TP53BP1: variants seen among roughly 807,000 people sequenced by gnomAD.
The protein encoded by TP53BP1 is tumor protein p53 binding protein 1, also known as TP53-binding protein 1.
A neutral mutation model predicts 200.8 loss-of-function variants in TP53BP1; 61 were observed. The observed-to-expected ratio is 0.30, with a 90% CI of 0.25 to 0.38. The LOEUF (loss-of-function observed/expected upper bound fraction) is 0.38. TP53BP1 is among the 10% of genes least tolerant of loss of function. TP53BP1 has a pLI of 1.00. For synonymous variants in TP53BP1, 822 were observed against 844.3 expected (o/e 0.97, Z 0.46); for missense variants, 2,144 against 2,371.9 (o/e 0.90, Z 2.00).
At chr15:43,489,154 C>T (rs2079086963) in intron 4 of TP53BP1, among the ~76,000 whole-genome samples, 1 of 152,156 alleles carries the variant, frequency 6.6e-6, no homozygotes, top group Non-Finnish European at 1.5e-5. Context: ...ATTTTTTCTC[C>T]TCTTTGCAAT....
intron 11 of TP53BP1, among the ~76,000 whole-genome samples, chr15:43,466,722 T>C (rs1314339203): frequency 6.6e-6 from 1 of 152,120 alleles, no homozygotes; most frequent in East Asian, 1.9e-4. Context: ...CCAGGTGTGA[T>C]AGTGTGTGCC....
At chr15:43,476,039 T>C (rs1033317274) in intron 8 of TP53BP1, among the ~76,000 whole-genome samples, 1 of 151,708 alleles carries the variant, frequency 6.6e-6, no homozygotes, top group African/African-American at 2.4e-5. Flanking sequence ...CTGAGGCGGG[T>C]GGATCATCTG....
chr15:43,412,524 A>G, intron 24 of TP53BP1: 1 of 367,018 alleles, frequency 2.7e-6, no homozygotes, highest in South Asian at 2.1e-5. Context: ...AACAGACAAC[A>G]CAGAAATAAA....
Position 43,432,482 on chromosome 15 carries a change from C to T in TP53BP1, c.3387G>A (p.Val1129=), listed in dbSNP as rs952443675. 1 of 1,614,170 alleles carries T rather than the reference C, an allele frequency of 6.2e-7. No homozygotes were observed. Residue 1129 remains valine (V), a synonymous_variant, in exon 17 of 28, where the codon GTG becomes GTA. Coordinates refer to ENST00000382044, the MANE Select transcript of TP53BP1 (RefSeq NM_001141980.3). ...TCCGTCCTTCTTTCTGGTCTTCTAG[C>T]ACATCTGTCACCATTGCCTCTCCTT... is the stretch of plus-strand genomic sequence containing the variant. ...SPQGEAMVTD[V]LEDQKEGRST...
intron 16 of TP53BP1, 59 bp from the exon 17 acceptor site, chr15:43,432,736 T>A: frequency 3.3e-6 from 5 of 1,520,210 alleles, no homozygotes; most frequent in Non-Finnish European, 4.4e-6. Flanking sequence ...TGTGAACGTG[T>A]GTGTGTGCGT....
intron 24 of TP53BP1, among the ~76,000 whole-genome samples, chr15:43,410,257 T>C (rs993677350): frequency 2.0e-5 from 3 of 152,214 alleles, no homozygotes; most frequent in Non-Finnish European, 4.4e-5. Context: ...AACTAAAACT[T>C]TAATAAACCA....
intron 17 of TP53BP1, among the ~76,000 whole-genome samples, chr15:43,430,834 AT>A (rs1157250505): frequency 6.6e-6 from 1 of 152,212 alleles, no homozygotes; most frequent in Non-Finnish European, 1.5e-5. Flanking sequence ...TCATGGATAG[AT>A]TTGTTCTTAC....
intron 1 of TP53BP1, among the ~76,000 whole-genome samples, chr15:43,507,389 C>T (rs2079242990): frequency 6.6e-6 from 1 of 152,210 alleles, no homozygotes; most frequent in African/African-American, 2.4e-5. Flanking sequence ...CCCACCTCAG[C>T]CTCCCAAAGT....
chr15:43,472,902 G>A (rs1006698451), intron 10 of TP53BP1, among the ~76,000 whole-genome samples: 1 of 152,178 alleles, frequency 6.6e-6, no homozygotes, highest in Non-Finnish European at 1.5e-5. Context: ...GAATGAAGCC[G>A]CGGACCCTCA....
chr15:43,457,671 CAAAAAAAAAAAAAAAAA>C (rs56866996), intron 11 of TP53BP1, among the ~76,000 whole-genome samples: 11 of 19,110 alleles, frequency 5.8e-4, no homozygotes, highest in South Asian at 3.6e-3. Context: ...GACTCCATCT[CAAAAAAAAAAAAAAAAA>C]AAAAAAAAAA....
At chr15:43,432,127 T>C in intron 17 of TP53BP1, 67 bp downstream of exon 17, 1 of 1,549,270 alleles carries the variant, frequency 6.5e-7, no homozygotes, top group Non-Finnish European at 8.7e-7. Flanking sequence ...ATGCCACAAC[T>C]TAAATTCTCT....
At chr15:43,417,693 T>C (rs1238290934) in intron 21 of TP53BP1, among the ~76,000 whole-genome samples, 1 of 152,172 alleles carries the variant, frequency 6.6e-6, no homozygotes, top group Non-Finnish European at 1.5e-5. Flanking sequence ...ACGAATGCAT[T>C]TGATACATAC....
At chr15:43,488,192 G>A (rs2079072438) in intron 4 of TP53BP1, among the ~76,000 whole-genome samples, 1 of 151,624 alleles carries the variant, frequency 6.6e-6, no homozygotes, top group African/African-American at 2.4e-5. Context: ...TCAGCTACTT[G>A]CGAGGCTGAG....
chr15:43,499,634 C>T (rs2140174202), intron 1 of TP53BP1, among the ~76,000 whole-genome samples: 1 of 152,280 alleles, frequency 6.6e-6, no homozygotes, highest in Non-Finnish European at 1.5e-5. Flanking sequence ...AGCAGTAATG[C>T]ATCTTGGCTC....
intron 11 of TP53BP1, among the ~76,000 whole-genome samples, chr15:43,458,909 C>A (rs971385362): frequency 1.3e-5 from 2 of 152,158 alleles, no homozygotes; most frequent in African/African-American, 2.4e-5. Flanking sequence ...AACAGTATGG[C>A]AGTATCTTAT....
chr15:43,444,366 G>A lies in TP53BP1; in HGVS notation c.3040+2021C>T, dbSNP rs115635060. Among the ~76,000 whole-genome samples, 465 of 152,246 alleles carry A rather than the reference G, an allele frequency of 3.1e-3. 2 individuals are homozygous for A. The highest frequency in any genetic ancestry group is 0.011 in the African/African-American group (438 of 41,538). ...AAGCACACCTCCCACCTCAGCCTCT[G>A]GCATTGCTGGGATTATAGAAGCGCA... is the stretch of plus-strand genomic sequence containing the variant. On this transcript the variant is annotated intron_variant, in intron 14 of 27. Transcript: ENST00000382044.
chr15:43,408,525 T>C, intron 26 of TP53BP1: 1 of 276,916 alleles, frequency 3.6e-6, no homozygotes, highest in Non-Finnish European at 6.9e-6. Flanking sequence ...CTTCCTTCTT[T>C]CTATGAATGA....
At chr15:43,506,704 T>C (rs1403801706) in intron 1 of TP53BP1, among the ~76,000 whole-genome samples, 1 of 152,182 alleles carries the variant, frequency 6.6e-6, no homozygotes, top group Non-Finnish European at 1.5e-5. Context: ...GGTCAATAGT[T>C]AAATGAAACA....
At chr15:43,442,235 G>C (rs1041885348) in intron 14 of TP53BP1, among the ~76,000 whole-genome samples, 1 of 151,696 alleles carries the variant, frequency 6.6e-6, no homozygotes, top group Non-Finnish European at 1.5e-5. Context: ...ACAGGTGCCC[G>C]CCACCACGCC....
Sources: allele counts gnomAD v4.1 joint callset (sites outside exome capture counted in the v4.1 genomes callset), GRCh38; gene constraint gnomAD v4.1.1; transcripts MANE v1.5; gene names NCBI Gene and HGNC (gene_info 2026-07-23, HGNC 2026-07-21).